Variants in IQCM observed in about 807,000 individuals in gnomAD.
The protein encoded by IQCM is IQ domain-containing protein M.
A neutral mutation model predicts 57.6 loss-of-function variants in IQCM; 45 were observed. The ratio of observed to expected loss-of-function variants is 0.78; its 90% confidence interval spans 0.62 to 1.00. The LOEUF (loss-of-function observed/expected upper bound fraction) is 1.00, where lower values mean the gene tolerates loss of function less well. IQCM is among the 50% of genes least tolerant of loss of function. The probability of loss-of-function intolerance (pLI) is 0.00; values close to 1 mark genes in which losing one functional copy is unlikely to be tolerated. For synonymous variants in IQCM, 148 were observed against 158.9 expected (o/e 0.93, Z 0.51); for missense variants, 468 against 511.6 (o/e 0.91, Z 0.82).
intron 2 of IQCM, among the ~76,000 whole-genome samples, chr4:149,751,152 G>A (rs1768396587): frequency 6.6e-6 from 1 of 152,168 alleles, no homozygotes; most frequent in African/African-American, 2.4e-5. Context: ...GAGCAACATA[G>A]GGCTGTAAGT....
At chr4:149,573,403 G>A (rs1394136966) in intron 9 of IQCM, among the ~76,000 whole-genome samples, 1 of 151,672 alleles carries the variant, frequency 6.6e-6, no homozygotes, top group Non-Finnish European at 1.5e-5. Context: ...GACTCCTTCA[G>A]TAAAACTGAT....
intron 12 of IQCM, among the ~76,000 whole-genome samples, chr4:149,435,115 G>C (rs1735229753): frequency 6.6e-6 from 1 of 152,046 alleles, no homozygotes. Context: ...TCAATTATTA[G>C]AGTTATTTTA....
At chr4:149,780,053 C>A (rs1355369469) in intron 2 of IQCM, among the ~76,000 whole-genome samples, 1 of 152,024 alleles carries the variant, frequency 6.6e-6, no homozygotes, top group Non-Finnish European at 1.5e-5. Context: ...ATAGCAAATT[C>A]TTAGCTTCAA....
rs112389272 is a variant in IQCM at position 149,570,696 on chromosome 4, T to C, written c.750-6806A>G. On this transcript the variant is annotated intron_variant, in intron 9 of 13. Transcript: ENST00000636793. ...AGAAGTTACTGATATGTTAGTATCA[T>C]ATGATTCTAGTTTTGCTAATGAAAC... Among the ~76,000 whole-genome samples the C allele has an allele frequency of 8.3e-3, 1,268 of 152,196 alleles. 23 individuals are homozygous for C. Among genetic ancestry groups the C allele is most frequent in the African/African-American group, 0.029 (1,218 of 41,540 alleles).
At chr4:149,550,213 C>T (rs1031955964) in intron 11 of IQCM, among the ~76,000 whole-genome samples, 1 of 152,170 alleles carries the variant, frequency 6.6e-6, no homozygotes, top group Admixed American at 6.5e-5. Context: ...GTTGTTTACA[C>T]TGTTTTTTCT....
At chr4:149,478,111 G>A (rs1740395150) in intron 12 of IQCM, among the ~76,000 whole-genome samples, 1 of 152,186 alleles carries the variant, frequency 6.6e-6, no homozygotes, top group Non-Finnish European at 1.5e-5. Flanking sequence ...GATGTAGTTA[G>A]TGTACAGTTA....
At chr4:149,616,865 A>C (rs1755837873) in intron 8 of IQCM, among the ~76,000 whole-genome samples, 1 of 152,050 alleles carries the variant, frequency 6.6e-6, no homozygotes, top group African/African-American at 2.4e-5. Context: ...AACAAACCCA[A>C]ACCTAGGTGC....
intron 5 of IQCM, among the ~76,000 whole-genome samples, chr4:149,723,816 G>A (rs1310536555): frequency 6.6e-6 from 1 of 151,924 alleles, no homozygotes; most frequent in Non-Finnish European, 1.5e-5. Context: ...ATGAGTTAGG[G>A]TGGATTTCCT....
At chr4:149,799,122 A>T (rs1580329021) in intron 2 of IQCM, among the ~76,000 whole-genome samples, 1 of 151,916 alleles carries the variant, frequency 6.6e-6, no homozygotes, top group East Asian at 1.9e-4. Context: ...ACACATTCAA[A>T]AAATTAAAAT....
chr4:149,568,595 T>C (rs1750855112), intron 9 of IQCM, among the ~76,000 whole-genome samples: 1 of 152,112 alleles, frequency 6.6e-6, no homozygotes, highest in African/African-American at 2.4e-5. Context: ...AAGACCAGCC[T>C]GAGCCACAAG....
At chr4:149,487,860 A>G (rs1741690132) in intron 12 of IQCM, among the ~76,000 whole-genome samples, 1 of 152,080 alleles carries the variant, frequency 6.6e-6, no homozygotes, top group African/African-American at 2.4e-5. Context: ...TCTCCTGCCC[A>G]GCTCAGTGCT....
At chr4:149,700,848 G>C (rs757023882) in intron 5 of IQCM, among the ~76,000 whole-genome samples, 4 of 151,992 alleles carry the variant, frequency 2.6e-5, no homozygotes, top group Admixed American at 2.0e-4. Flanking sequence ...TCAAGAAATA[G>C]AGAACAGTTA....
intron 5 of IQCM, among the ~76,000 whole-genome samples, chr4:149,689,859 C>T (rs183142527): frequency 1.3e-5 from 2 of 152,042 alleles, no homozygotes; most frequent in Admixed American, 6.6e-5. Context: ...CAGGGAAATG[C>T]AAATCAAAAC....
chr4:149,376,712 G>T, intron 13 of IQCM, among the ~76,000 whole-genome samples: 1 of 152,214 alleles, frequency 6.6e-6, no homozygotes, highest in Non-Finnish European at 1.5e-5. Flanking sequence ...AGACAGATAA[G>T]AAATGCATTT....
chr4:149,469,049 C>A (rs1002381135), intron 12 of IQCM, among the ~76,000 whole-genome samples: 2 of 152,168 alleles, frequency 1.3e-5, no homozygotes, highest in African/African-American at 4.8e-5. Context: ...ACTGGAAACT[C>A]TAAAAATCAG....
chr4:149,698,427 A>C (rs954996279), intron 5 of IQCM, among the ~76,000 whole-genome samples: 52 of 152,148 alleles, frequency 3.4e-4, no homozygotes, highest in Non-Finnish European at 5.9e-5. Flanking sequence ...AATGAAACTC[A>C]GCCAAGAACT....
chr4:149,518,565 C>T (rs1179731753), intron 12 of IQCM, among the ~76,000 whole-genome samples: 1 of 152,058 alleles, frequency 6.6e-6, no homozygotes, highest in African/African-American at 2.4e-5. Context: ...TTACAAGTCA[C>T]ATGGGTCATA....
At chr4:149,473,478 G>C (rs1454361525) in intron 12 of IQCM, among the ~76,000 whole-genome samples, 1 of 152,216 alleles carries the variant, frequency 6.6e-6, no homozygotes, top group African/African-American at 2.4e-5. Flanking sequence ...GGAAACAACA[G>C]GTGCCGGAGA....
chr4:149,711,948 C>T (rs192109137), intron 5 of IQCM, among the ~76,000 whole-genome samples: 1 of 152,122 alleles, frequency 6.6e-6, no homozygotes, highest in Admixed American at 6.5e-5. Context: ...TCAGAGTACT[C>T]ACTGGGCTTC....
Sources: gnomAD v4.1 joint callset for allele counts (sites outside exome capture counted in the v4.1 genomes callset) on GRCh38, gnomAD v4.1.1 for gene constraint, MANE v1.5 for transcripts, NCBI Gene and HGNC (gene_info 2026-07-23, HGNC 2026-07-21) for gene names.